CYB5R4: variants seen among roughly 807,000 people sequenced by gnomAD.
The protein encoded by CYB5R4 is cytochrome b5 reductase 4.
In CYB5R4, 55 loss-of-function variants were observed where a neutral mutation model predicts 70.2. The observed-to-expected ratio is 0.78, with a 90% CI of 0.63 to 0.98. The LOEUF is 0.98. CYB5R4 is among the 50% of genes least tolerant of loss of function. CYB5R4 has a pLI of 0.00. For synonymous variants in CYB5R4, 197 were observed against 199.5 expected (o/e 0.99, Z 0.11); for missense variants, 562 against 612.6 (o/e 0.92, Z 0.87).
At position 83,914,379 on chromosome 6, in the gene CYB5R4, A is replaced by G. The variant is rs566042668; in HGVS notation, c.413-37A>G. On this transcript the variant is annotated intron_variant, in intron 4 of 15. Transcript: ENST00000369681. ...CTGACATTCTCATTGACATTAAAGT[A>G]TTCTTATTTGACTTTTTTTTCTAAA... 1.7e-4 allele frequency: 261 copies of G among 1,512,370 alleles called. 1 individual carries two copies. The South Asian group carries it at 3.0e-3, about 17-fold the overall frequency. The allele number at this position is 1,512,370 out of a possible 1,614,324, so 93.7% of individuals were successfully genotyped here.
At chr6:83,945,367 A>C (rs2129144026) in intron 14 of CYB5R4, among the ~76,000 whole-genome samples, 1 of 152,330 alleles carries the variant, frequency 6.6e-6, no homozygotes, top group East Asian at 1.9e-4. Flanking sequence ...AGTTCTTTGA[A>C]ACCAATGAGA....
chr6:83,907,584 G>A (rs1230039716), intron 3 of CYB5R4, among the ~76,000 whole-genome samples: 1 of 151,762 alleles, frequency 6.6e-6, no homozygotes, highest in Non-Finnish European at 1.5e-5. Context: ...CATCATCCAG[G>A]TACTAAGCCT....
intron 3 of CYB5R4, among the ~76,000 whole-genome samples, chr6:83,907,837 C>G (rs1030265048): frequency 1.3e-5 from 2 of 152,136 alleles, no homozygotes; most frequent in African/African-American, 4.8e-5. Flanking sequence ...CCTAGTATTC[C>G]ATGGTGTATA....
chr6:83,931,661 C>T (rs1343300846), intron 10 of CYB5R4, among the ~76,000 whole-genome samples: 1 of 151,746 alleles, frequency 6.6e-6, no homozygotes, highest in African/African-American at 2.4e-5. Context: ...GTTTTACTGT[C>T]TTTATTTTCA....
chr6:83,945,907 G>T (rs2099470532), intron 14 of CYB5R4, among the ~76,000 whole-genome samples: 1 of 152,090 alleles, frequency 6.6e-6, no homozygotes, highest in Non-Finnish European at 1.5e-5. Flanking sequence ...CCAGTAACAA[G>T]TTCTGAAACT....
chr6:83,939,306 T>C (rs1414647449), intron 12 of CYB5R4, among the ~76,000 whole-genome samples: 1 of 152,184 alleles, frequency 6.6e-6, no homozygotes, highest in Non-Finnish European at 1.5e-5. Context: ...AGTTTCTGAA[T>C]CTAGTCCTAA....
chr6:83,916,448 C>T (rs867071334), intron 5 of CYB5R4, among the ~76,000 whole-genome samples: 4 of 152,144 alleles, frequency 2.6e-5, no homozygotes, highest in African/African-American at 9.7e-5. Flanking sequence ...TCTTTCAGTG[C>T]TTCTTAATTT....
chr6:83,868,759 T>C (rs1199684357), intron 2 of CYB5R4, among the ~76,000 whole-genome samples: 1 of 152,248 alleles, frequency 6.6e-6, no homozygotes, highest in African/African-American at 2.4e-5. Context: ...CTGAGAGTTC[T>C]TCTGTCAAGC....
intron 11 of CYB5R4, among the ~76,000 whole-genome samples, chr6:83,935,780 C>G (rs61756895): frequency 6.6e-6 from 1 of 152,006 alleles, no homozygotes; most frequent in Non-Finnish European, 1.5e-5. Context: ...CTTCCTTTTT[C>G]TCCGCCAAAT....
At chr6:83,940,472 T>C in intron 13 of CYB5R4, 43 bp from the exon 14 acceptor site, 1 of 1,500,512 alleles carries the variant, frequency 6.7e-7, no homozygotes, top group South Asian at 1.3e-5. Flanking sequence ...ATATTTTAAA[T>C]GTAATTAATT....
intron 3 of CYB5R4, among the ~76,000 whole-genome samples, chr6:83,897,059 C>A (rs986733024): frequency 2.3e-4 from 34 of 149,056 alleles, no homozygotes; most frequent in African/African-American, 7.8e-4. Context: ...ATCCCTCCCC[C>A]GTCCCCCTAC....
At chr6:83,864,143 C>A in intron 1 of CYB5R4, 32 bp from the exon 2 acceptor site, 1 of 1,512,220 alleles carries the variant, frequency 6.6e-7, no homozygotes, top group South Asian at 1.3e-5. Flanking sequence ...AGTAATGAAG[C>A]TAGATTTAAT....
rs557807215 is a variant in CYB5R4, at chr6:83,883,828, A to AG, written c.230-9692dup. ...ACATTGTATTGTGGAGTTAAAGGAT[A>AG]GGAGTTAGAGAGCAGTAAATGGTTC... On this transcript the variant is annotated intron_variant, in intron 2 of 15. Transcript: ENST00000369681. Among the ~76,000 whole-genome samples, 54 of 152,278 alleles carry AG rather than the reference A, an allele frequency of 3.5e-4. 3 individuals carry two copies. The South Asian group carries it at 9.9e-3, about 28-fold the overall frequency.
rs1407243289 is a variant in CYB5R4, at chr6:83,955,447, C to T, written c.1496C>T (p.Thr499Ile). 1.2e-6 allele frequency: 2 copies of T among 1,613,482 alleles called. No individual in the cohort carries two copies. Among genetic ancestry groups the T allele is most frequent in the African/African-American group, 1.3e-5 (1 of 74,906 alleles). Residue 499 changes from threonine to isoleucine, a missense_variant, in exon 15 of 16, where the codon ACA becomes ATA. By Grantham distance (89) the Thr-to-Ile change is moderately conservative (BLOSUM62 -1). Transcript: ENST00000369681. ...TGCATTTGTGGACCAGTGCCATTTA[C>T]AGAACAAGGAGTAAGGTGAGTAACA... is the stretch of plus-strand genomic sequence containing the variant. ...LVCICGPVPFTEQGVRLLHDL... is the reference protein window; with the variant it reads ...LVCICGPVPFIEQGVRLLHDL...
rs1045653168 is a variant in CYB5R4 at position 83,918,041 on chromosome 6, C to T, written c.482C>T (p.Ala161Val). Residue 161 changes from alanine (A) to valine (V), a missense_variant, in exon 6 of 16, where the codon GCC becomes GTC. Transcript: ENST00000369681. The stretch of plus-strand genomic sequence containing the variant: ...AAGAGCCAAGTGACAGATACACTTG[C>T]CAAAGAAGGTCCTAGTTATCCAAGG... Reference protein sequence around the residue: ...LPKSQVTDTLAKEGPSYPSYD... With the variant: ...LPKSQVTDTLVKEGPSYPSYD... The T allele has an allele frequency of 2.4e-5, 38 of 1,610,140 alleles. No individual in the cohort carries two copies. Among genetic ancestry groups the T allele is most frequent in the Non-Finnish European group, 3.1e-5 (36 of 1,177,234 alleles).
chr6:83,947,278 A>G (rs547078790), intron 14 of CYB5R4, among the ~76,000 whole-genome samples: 16 of 152,316 alleles, frequency 1.1e-4, no homozygotes, highest in African/African-American at 3.6e-4. Flanking sequence ...CTGATCTTCC[A>G]CAAACCTGAC....
chr6:83,946,124 A>G (rs1464997357), intron 14 of CYB5R4, among the ~76,000 whole-genome samples: 1 of 152,232 alleles, frequency 6.6e-6, no homozygotes, highest in East Asian at 1.9e-4. Context: ...CAACAAAAAA[A>G]GAAAATTTCA....
Position 83,924,415 on chromosome 6 carries a change from A to G in CYB5R4, c.692-55A>G, listed in dbSNP as rs188590963. 3.1e-5 allele frequency: 49 copies of G among 1,575,048 alleles called. No homozygotes were observed. The African/African-American group carries it at 4.8e-4, about 15-fold the overall frequency. ...CTATTTGAGAAATACTGGTTTTAAA[A>G]TAAAATCTTGTATTTAGTATCGATG... On this transcript the variant is annotated intron_variant, in intron 9 of 15. Coordinates refer to ENST00000369681, the MANE Select transcript of CYB5R4 (RefSeq NM_016230.4).
chr6:83,931,980 G>A (rs2099468220), intron 10 of CYB5R4, among the ~76,000 whole-genome samples: 1 of 139,154 alleles, frequency 7.2e-6, no homozygotes, highest in Non-Finnish European at 1.5e-5. Context: ...GCCCTAGTGT[G>A]TGATGTTCCC....
Sources: allele counts gnomAD v4.1 joint callset (sites outside exome capture counted in the v4.1 genomes callset), GRCh38; gene constraint gnomAD v4.1.1; transcripts MANE v1.5; gene names NCBI Gene and HGNC (gene_info 2026-07-23, HGNC 2026-07-21).